Variants in VTI1A observed in about 807,000 individuals in gnomAD.
VTI1A encodes vesicle transport through interaction with t-SNAREs 1A, also known as vesicle transport through interaction with t-SNAREs homolog 1A.
Under a neutral mutation model 34.9 loss-of-function variants are expected in VTI1A, and 22 were observed. The ratio of observed to expected loss-of-function variants is 0.63; its 90% confidence interval spans 0.45 to 0.90. The LOEUF (loss-of-function observed/expected upper bound fraction) is 0.90. VTI1A is among the 40% of genes least tolerant of loss of function. The pLI, the probability that VTI1A is intolerant of heterozygous loss-of-function variation, is 0.00. For missense variants in VTI1A, 268 were observed against 275.6 expected (o/e 0.97, Z 0.20); for synonymous variants, 87 against 97.3 (o/e 0.89, Z 0.62).
chr10:112,638,657 A>G lies in VTI1A; in HGVS notation c.428-29561A>G, dbSNP rs575124881. 1.6e-4 allele frequency among the ~76,000 whole-genome samples: 25 copies of G among 152,178 alleles called. No homozygotes were observed. In the South Asian group the frequency reaches 4.8e-3, roughly 29 times the overall value. On this transcript the variant is annotated intron_variant, in intron 5 of 7. Transcript: ENST00000393077. ...GGGAAATATTTAACTTTATTGTCAA[A>G]TAGATTCAGCTCTCATAGTTTAAAT... is the stretch of plus-strand genomic sequence containing the variant.
intron 7 of VTI1A, among the ~76,000 whole-genome samples, chr10:112,741,926 A>G (rs7075671): frequency 0.15 from 22,932 of 152,154 alleles, 3,775 homozygotes; most frequent in African/African-American, 0.4. Flanking sequence ...TTGTGCAATA[A>G]AAGTCCCTTT....
intron 5 of VTI1A, among the ~76,000 whole-genome samples, chr10:112,541,779 C>T (rs1482771720): frequency 6.6e-6 from 1 of 152,162 alleles, no homozygotes; most frequent in African/African-American, 2.4e-5. Context: ...TGAGAAAAGG[C>T]ACATGATTAT....
intron 5 of VTI1A, among the ~76,000 whole-genome samples, chr10:112,664,869 C>T (rs1182174876): frequency 6.6e-6 from 1 of 152,188 alleles, no homozygotes; most frequent in African/African-American, 2.4e-5. Flanking sequence ...CATGCTCATA[C>T]TGACATAGAG....
At chr10:112,497,776 T>G (rs1431924815) in intron 3 of VTI1A, among the ~76,000 whole-genome samples, 1 of 152,220 alleles carries the variant, frequency 6.6e-6, no homozygotes, top group Non-Finnish European at 1.5e-5. Flanking sequence ...CTGATTCACC[T>G]TACTTTACCG....
intron 7 of VTI1A, among the ~76,000 whole-genome samples, chr10:112,795,680 G>A (rs12258588): frequency 0.019 from 2,857 of 151,938 alleles, 58 homozygotes; most frequent in Non-Finnish European, 0.025. Context: ...CAGGTGATCC[G>A]CCCACCTCGG....
At chr10:112,756,080 G>A (rs999932605) in intron 7 of VTI1A, among the ~76,000 whole-genome samples, 9 of 152,086 alleles carry the variant, frequency 5.9e-5, no homozygotes, top group African/African-American at 2.2e-4. Flanking sequence ...AGAGGGAGGG[G>A]AGGAGAGGGA....
intron 3 of VTI1A, among the ~76,000 whole-genome samples, chr10:112,467,313 T>G (rs1847928489): frequency 6.6e-6 from 1 of 152,172 alleles, no homozygotes; most frequent in South Asian, 2.1e-4. Context: ...TATTTTCTAT[T>G]ATAAAGAAAA....
At chr10:112,638,314 A>G (rs1478277109) in intron 5 of VTI1A, among the ~76,000 whole-genome samples, 1 of 152,244 alleles carries the variant, frequency 6.6e-6, no homozygotes, top group African/African-American at 2.4e-5. Context: ...GGGATAAAAG[A>G]GAATGAAAAA....
At chr10:112,628,573 A>G (rs767673674) in intron 5 of VTI1A, among the ~76,000 whole-genome samples, 9 of 152,190 alleles carry the variant, frequency 5.9e-5, no homozygotes, top group Non-Finnish European at 8.8e-5. Context: ...CCATGGTTTA[A>G]TAGTTGTTCA....
At chr10:112,831,258 G>A in the VTI1A span, 1 of 152,172 alleles carries the variant, frequency 6.6e-6, no homozygotes, top group African/African-American at 2.4e-5. Flanking sequence ...CAAGTTCTCT[G>A]TTAATTATCG....
chr10:112,553,248 TGCTAC>T (rs1458935828), intron 5 of VTI1A, among the ~76,000 whole-genome samples: 1 of 152,248 alleles, frequency 6.6e-6, no homozygotes, highest in Non-Finnish European at 1.5e-5. Flanking sequence ...CCTGGAGCTT[TGCTAC>T]GAGACAGACT....
At chr10:112,799,518 G>T (rs1007277529) in intron 7 of VTI1A, among the ~76,000 whole-genome samples, 4 of 152,170 alleles carry the variant, frequency 2.6e-5, no homozygotes, top group African/African-American at 9.7e-5. Context: ...TGTTCTCCCA[G>T]TCCCTGCCCC....
At chr10:112,821,637 G>A (rs185449933), downstream of VTI1A, among the ~76,000 whole-genome samples, 11 of 152,228 alleles carry the variant, frequency 7.2e-5, no homozygotes, top group Non-Finnish European at 1.0e-4. Flanking sequence ...CAAGCACTTC[G>A]GCATCCTGTA....
intron 3 of VTI1A, among the ~76,000 whole-genome samples, chr10:112,505,677 AT>A (rs112379213): frequency 1.6e-3 from 224 of 143,306 alleles, no homozygotes; most frequent in Middle Eastern, 0.014. Context: ...AAATCACATA[AT>A]TTTTTTTTTT....
At chr10:112,551,190 G>C (rs926272057) in intron 5 of VTI1A, among the ~76,000 whole-genome samples, 1 of 139,634 alleles carries the variant, frequency 7.2e-6, no homozygotes, top group African/African-American at 2.7e-5. Context: ...CTTGCCGTGA[G>C]CAGAGATCGC....
intron 3 of VTI1A, among the ~76,000 whole-genome samples, chr10:112,501,355 A>G (rs1393243979): frequency 6.6e-6 from 1 of 152,176 alleles, no homozygotes; most frequent in African/African-American, 2.4e-5. Context: ...TCAGTTTTAT[A>G]AGTGAAATTC....
intron 5 of VTI1A, among the ~76,000 whole-genome samples, chr10:112,633,855 T>TAA (rs77279275): frequency 8.0e-6 from 1 of 125,564 alleles, no homozygotes; most frequent in Non-Finnish European, 1.7e-5. Flanking sequence ...GGCTCTAGAC[T>TAA]AAAAAAAAAA....
In VTI1A at chr10:112,706,050, G is replaced by C. The variant is rs2133909892; in HGVS notation, c.560+37052G>C. Reference sequence around the variant, plus strand: ...GGTGGACTGTCACAAATGTAGCCTAGGATTCCTTTCCGTAGCAAACCTTTT... The same window carrying C: ...GGTGGACTGTCACAAATGTAGCCTACGATTCCTTTCCGTAGCAAACCTTTT... On this transcript the variant is annotated intron_variant, in intron 7 of 7. Transcript: ENST00000393077. Among the ~76,000 whole-genome samples, 3 of 152,250 alleles carry C rather than the reference G, an allele frequency of 2.0e-5. No homozygotes were observed. In the East Asian group the frequency reaches 5.8e-4, roughly 29 times the overall value.
At chr10:112,720,677 C>T (rs1273140293) in intron 7 of VTI1A, among the ~76,000 whole-genome samples, 4 of 152,222 alleles carry the variant, frequency 2.6e-5, no homozygotes, top group South Asian at 2.1e-4. Flanking sequence ...TTAGATTAGG[C>T]GATAACTGAA....
Sources: allele counts gnomAD v4.1 joint callset (sites outside exome capture counted in the v4.1 genomes callset), GRCh38; gene constraint gnomAD v4.1.1; transcripts MANE v1.5; gene names NCBI Gene and HGNC (gene_info 2026-07-23, HGNC 2026-07-21).